MYOF: variants seen among roughly 807,000 people sequenced by gnomAD.
MYOF encodes the protein fer-1-like 3, myoferlin.
Under a neutral mutation model 284.2 loss-of-function variants are expected in MYOF, and 244 were observed. The ratio of observed to expected loss-of-function variants is 0.86; its 90% CI spans 0.77 to 0.95. The LOEUF (loss-of-function observed/expected upper bound fraction) is 0.95, where lower values mean the gene tolerates loss of function less well. Ranked by LOEUF, MYOF falls within the 40% of genes least tolerant of loss-of-function variation. The probability of loss-of-function intolerance (pLI) is 0.00; values close to 1 mark genes in which losing one functional copy is unlikely to be tolerated. For synonymous variants in MYOF, 904 were observed against 919.7 expected (o/e 0.98, Z 0.31); for missense variants, 2,496 against 2,560.6 (o/e 0.97, Z 0.54).
Position 93,323,548 on chromosome 10 carries a change from C to A in MYOF, c.5272-190G>T, listed in dbSNP as rs1294681469. The A allele has an allele frequency of 5.2e-6, 3 of 577,958 alleles. No individual in the cohort carries two copies. The East Asian group carries it at 8.5e-5, about 16-fold the overall frequency. The allele number at this position is 577,958 out of a possible 1,614,324, so 35.8% of individuals were successfully genotyped here. ...CTTTTATGTACAATGTCATTTAGGCCACCCACTTTCCATTCTCACTCAGGG... is the reference window on the plus strand; with the variant it reads ...CTTTTATGTACAATGTCATTTAGGCAACCCACTTTCCATTCTCACTCAGGG... On this transcript the variant is annotated intron_variant, in intron 46 of 53. Transcript: ENST00000359263.
In MYOF at chr10:93,329,806, G is replaced by A. The variant is rs1353739088; in HGVS notation, c.4840C>T (p.Gln1614Ter). Reference protein sequence around the residue: ...RMYELSCYLPQEKDLKISVYD... With the variant: ...RMYELSCYLP Reference sequence around the variant, plus strand: ...ACAGAAATTTTCAGGTCTTTTTCTTGAGGTAAGTAGCAGCTCAGTTCGTAC... The same window carrying A: ...ACAGAAATTTTCAGGTCTTTTTCTTAAGGTAAGTAGCAGCTCAGTTCGTAC... The change falls in exon 44 of 54, where the codon CAA (glutamine) becomes TAA (stop). Residue 1614 changes from glutamine to a stop codon, truncating the protein, a stop_gained. Transcript: ENST00000359263. LOFTEE classifies it high-confidence loss of function. 7 of 1,614,176 alleles carry A rather than the reference G, an allele frequency of 4.3e-6. No homozygotes were observed. Among genetic ancestry groups the A allele is most frequent in the Non-Finnish European group, 5.9e-6 (7 of 1,180,036 alleles).
intron 46 of MYOF, among the ~76,000 whole-genome samples, chr10:93,324,909 A>G (rs570526565): frequency 6.6e-6 from 1 of 152,064 alleles, no homozygotes; most frequent in Admixed American, 6.5e-5. Context: ...CCTCCCGAGT[A>G]GCTGGGGTTA....
At chr10:93,361,354 C>T in intron 28 of MYOF, 98 bp downstream of exon 28, 1 of 1,196,958 alleles carries the variant, frequency 8.4e-7, no homozygotes, top group Non-Finnish European at 1.2e-6. Flanking sequence ...TGCCATAGAC[C>T]AACAGAAGTG....
At chr10:93,378,693 G>GTGTGTGTATATATCTATATATATA in intron 21 of MYOF, among the ~76,000 whole-genome samples, 1 of 87,894 alleles carries the variant, frequency 1.1e-5, no homozygotes, top group Non-Finnish European at 2.1e-5. Context: ...GTGTGTGTGT[G>GTGTGTGTATATATCTATATATATA]TATATATATA....
intron 45 of MYOF, among the ~76,000 whole-genome samples, chr10:93,327,994 T>C (rs1843130749): frequency 6.6e-6 from 1 of 152,122 alleles, no homozygotes; most frequent in Admixed American, 6.5e-5. Flanking sequence ...GGTCTTGAAC[T>C]CCTGACCTCA....
At chr10:93,441,633 G>A (rs1198194240) in intron 3 of MYOF, among the ~76,000 whole-genome samples, 3 of 148,340 alleles carry the variant, frequency 2.0e-5, no homozygotes, top group Non-Finnish European at 4.4e-5. Flanking sequence ...GCACGGTCTC[G>A]GCTCACTGCA....
At chr10:93,339,712 G>T (rs1425015930) in intron 39 of MYOF, among the ~76,000 whole-genome samples, 1 of 136,736 alleles carries the variant, frequency 7.3e-6, no homozygotes, top group Non-Finnish European at 1.7e-5. Flanking sequence ...CAAGTGATCT[G>T]CCTGCTTCAG....
Position 93,361,547 on chromosome 10 carries a change from T to C in MYOF, c.2879A>G (p.Lys960Arg). 1 of 1,614,202 alleles carries C rather than the reference T, an allele frequency of 6.2e-7. No individual in the cohort carries two copies. Among genetic ancestry groups the C allele is most frequent in the Non-Finnish European group, 8.5e-7 (1 of 1,180,016 alleles). ...AGTCAACTCGCTGGGTGATGCTGCT[T>C]TATCGCCGTTCTTACAAAACAAAAA... ...EDTYTDANGD[K>R]AASPSELTCP... Residue 960 changes from lysine (K) to arginine (R), a missense_variant, in exon 28 of 54, where the codon AAA becomes AGA. Transcript: ENST00000359263.
intron 2 of MYOF, among the ~76,000 whole-genome samples, chr10:93,454,664 A>G (rs1304177124): frequency 6.6e-6 from 1 of 152,062 alleles, no homozygotes; most frequent in Non-Finnish European, 1.5e-5. Context: ...CCTGCCTGAG[A>G]CCTGCTGGGC....
intron 3 of MYOF, among the ~76,000 whole-genome samples, chr10:93,444,129 C>G (rs905328272): frequency 6.6e-6 from 1 of 152,196 alleles, no homozygotes; most frequent in Non-Finnish European, 1.5e-5. Flanking sequence ...TTTCAGAGAG[C>G]CGAGGTGGAC....
intron 40 of MYOF, among the ~76,000 whole-genome samples, chr10:93,336,362 G>A (rs951206781): frequency 2.6e-5 from 4 of 152,104 alleles, no homozygotes; most frequent in African/African-American, 9.7e-5. Flanking sequence ...AATAACTTGT[G>A]GCATATCCAC....
At chr10:93,376,126 A>G (rs1845822433) in intron 22 of MYOF, among the ~76,000 whole-genome samples, 1 of 152,238 alleles carries the variant, frequency 6.6e-6, no homozygotes, top group African/African-American at 2.4e-5. Context: ...AGCTCATATC[A>G]GAAGTATAAA....
In MYOF at chr10:93,465,538, C is replaced by CTTTTTTTTTTTTTTTTTTTTTTTTTT. The variant is rs71031511; in HGVS notation, c.89-8602_89-8601insAAAAAAAAAAAAAAAAAAAAAAAAAA. Among the ~76,000 whole-genome samples, 77 of 112,156 alleles carry CTTTTTTTTTTTTTTTTTTTTTTTTTT rather than the reference C, an allele frequency of 6.9e-4. 2 individuals are homozygous for CTTTTTTTTTTTTTTTTTTTTTTTTTT. The highest frequency in any genetic ancestry group is 9.2e-4 in the Non-Finnish European group (53 of 57,324). The allele number at this position is 112,156 out of a possible 152,430, so 73.6% of individuals were successfully genotyped here. A position where few individuals can be genotyped will look rare whatever the true frequency, so the allele number is the denominator to read the frequency against. ...CTTTTTTCTTTCTTTTTTTTCTTTT[C>CTTTTTTTTTTTTTTTTTTTTTTTTTT]TTTTTTTTTTTTTTTGAGATGACTG... On this transcript the variant is annotated intron_variant, in intron 1 of 53. Transcript: ENST00000359263.
chr10:93,357,306 A>G (rs894331254), intron 29 of MYOF, among the ~76,000 whole-genome samples: 1 of 152,260 alleles, frequency 6.6e-6, no homozygotes, highest in African/African-American at 2.4e-5. Context: ...AATAGCTGCC[A>G]TAACTGATAA....
intron 3 of MYOF, among the ~76,000 whole-genome samples, chr10:93,450,056 G>A (rs777212427): frequency 3.3e-5 from 5 of 152,002 alleles, no homozygotes; most frequent in African/African-American, 4.8e-5. Context: ...CCAAGAGTTC[G>A]AGACCAGCCT....
At chr10:93,310,396 C>G in intron 52 of MYOF, 138 bp downstream of exon 52, 1 of 1,006,776 alleles carries the variant, frequency 9.9e-7, no homozygotes, top group Non-Finnish European at 1.4e-6. Flanking sequence ...GATCACCAAC[C>G]TCTCCACCCC....
chr10:93,376,893 T>A (rs1386241590), intron 22 of MYOF, among the ~76,000 whole-genome samples: 1 of 152,186 alleles, frequency 6.6e-6, no homozygotes, highest in African/African-American at 2.4e-5. Context: ...TCTAAAAATA[T>A]GTTTATGAAT....
chr10:93,394,702 C>T (rs1196713405), intron 16 of MYOF, among the ~76,000 whole-genome samples: 5 of 149,928 alleles, frequency 3.3e-5, no homozygotes, highest in Non-Finnish European at 1.5e-5. Context: ...CCTCGTGATC[C>T]ACCCACCTCA....
At chr10:93,419,358 T>G (rs917015858) in intron 5 of MYOF, among the ~76,000 whole-genome samples, 1 of 152,098 alleles carries the variant, frequency 6.6e-6, no homozygotes, top group African/African-American at 2.4e-5. Context: ...AGACAGGGTT[T>G]CACCATATTG....
Sources: allele counts gnomAD v4.1 joint callset (sites outside exome capture counted in the v4.1 genomes callset), GRCh38; gene constraint gnomAD v4.1.1; transcripts MANE v1.5; gene names NCBI Gene and HGNC (gene_info 2026-07-23, HGNC 2026-07-21).